Variants in MALRD1 observed in about 807,000 individuals in gnomAD.
The protein encoded by MALRD1 is MAM and LDL receptor class A domain containing 1, also known as MAM and LDL-receptor class A domain-containing protein 1.
Under a neutral mutation model 242.1 loss-of-function variants are expected in MALRD1, and 247 were observed. The ratio of observed to expected loss-of-function variants is 1.02; its 90% CI spans 0.92 to 1.13. The LOEUF (loss-of-function observed/expected upper bound fraction) is 1.13. Among genes scored for constraint, MALRD1 ranks in the 50% most tolerant of loss-of-function variants. The probability of loss-of-function intolerance (pLI) is 0.00; values close to 1 mark genes in which losing one functional copy is unlikely to be tolerated. For synonymous variants in MALRD1, 995 were observed against 866.6 expected (o/e 1.15, Z -2.60); for missense variants, 2,989 against 2,533.1 (o/e 1.18, Z -3.86).
intron 28 of MALRD1, among the ~76,000 whole-genome samples, chr10:19,427,637 A>G (rs1351505728): frequency 2.0e-5 from 3 of 152,176 alleles, no homozygotes; most frequent in Admixed American, 2.0e-4. Flanking sequence ...TCCCCTAAGT[A>G]GTCTGATCCT....
chr10:19,099,892 C>A (rs898405117), intron 4 of MALRD1, among the ~76,000 whole-genome samples: 5 of 151,718 alleles, frequency 3.3e-5, no homozygotes, highest in Non-Finnish European at 7.4e-5. Context: ...CCTCCCGAGG[C>A]TGGGATTACA....
At chr10:19,120,834 C>G (rs1330619392) in intron 5 of MALRD1, among the ~76,000 whole-genome samples, 1 of 152,116 alleles carries the variant, frequency 6.6e-6, no homozygotes, top group African/African-American at 2.4e-5. Context: ...AACCCTGCCT[C>G]CCGGGTTCAA....
rs1394878446 is a variant in MALRD1, at chr10:19,699,789, C to T, written c.6314+7235C>T. Among the ~76,000 whole-genome samples the T allele has an allele frequency of 3.3e-5, 5 of 151,934 alleles. No individual in the cohort carries two copies. In the East Asian group the frequency reaches 5.8e-4, roughly 18 times the overall value. Reference sequence around the variant, plus strand: ...GAGAGAGTAGGGGGGAAGTGCCACACACTTTTAAACGACCAGATCTGGTGA... The same window carrying T: ...GAGAGAGTAGGGGGGAAGTGCCACATACTTTTAAACGACCAGATCTGGTGA... On this transcript the variant is annotated intron_variant, in intron 38 of 39. Transcript: ENST00000454679.
intron 2 of MALRD1, among the ~76,000 whole-genome samples, chr10:19,078,801 T>G (rs1564377023): frequency 6.6e-6 from 1 of 151,834 alleles, no homozygotes; most frequent in Non-Finnish European, 1.5e-5. Context: ...TTTGGTAGTA[T>G]GAAATTATTC....
At chr10:19,301,871 TAAAAG>T (rs754361769) in intron 21 of MALRD1, among the ~76,000 whole-genome samples, 44 of 151,470 alleles carry the variant, frequency 2.9e-4, no homozygotes, top group African/African-American at 1.0e-3. Context: ...AAATAAAACT[TAAAAG>T]GAAAAAAAGA....
At chr10:19,574,725 C>G (rs185795118) in intron 33 of MALRD1, among the ~76,000 whole-genome samples, 8 of 152,244 alleles carry the variant, frequency 5.3e-5, no homozygotes, top group African/African-American at 1.9e-4. Flanking sequence ...TAAATCCCTT[C>G]TAACTCTGCC....
chr10:19,162,055 A>G (rs1305659248), intron 12 of MALRD1, among the ~76,000 whole-genome samples: 1 of 152,012 alleles, frequency 6.6e-6, no homozygotes, highest in Non-Finnish European at 1.5e-5. Flanking sequence ...CAACAACAAC[A>G]ACAACAACAA....
At chr10:19,508,396 G>A (rs567331548) in intron 31 of MALRD1, among the ~76,000 whole-genome samples, 15 of 152,274 alleles carry the variant, frequency 9.9e-5, no homozygotes, top group African/African-American at 3.6e-4. Context: ...ACACTGTGAT[G>A]TAAAACATGA....
At chr10:19,360,825 G>A (rs1348357908) in intron 26 of MALRD1, among the ~76,000 whole-genome samples, 1 of 151,980 alleles carries the variant, frequency 6.6e-6, no homozygotes, top group Non-Finnish European at 1.5e-5. Flanking sequence ...TAGTAATAAT[G>A]TTAAGTTGCA....
chr10:19,429,255 G>T (rs1589059323), intron 28 of MALRD1, among the ~76,000 whole-genome samples: 1 of 152,172 alleles, frequency 6.6e-6, no homozygotes, highest in African/African-American at 2.4e-5. Flanking sequence ...TGTGTAATGT[G>T]TAATGTGACT....
chr10:19,372,234 T>C (rs186076277), intron 26 of MALRD1, among the ~76,000 whole-genome samples: 2 of 152,270 alleles, frequency 1.3e-5, no homozygotes, highest in East Asian at 3.9e-4. Context: ...ACAAAAATTA[T>C]AACAACTCTT....
intron 29 of MALRD1, among the ~76,000 whole-genome samples, chr10:19,481,171 A>C (rs2131177974): frequency 6.6e-6 from 1 of 152,276 alleles, no homozygotes; most frequent in African/African-American, 2.4e-5. Context: ...TCACATTTTA[A>C]AATATTTTTC....
chr10:19,466,075 G>A (rs1268352987), intron 29 of MALRD1, among the ~76,000 whole-genome samples: 1 of 152,114 alleles, frequency 6.6e-6, no homozygotes, highest in East Asian at 1.9e-4. Context: ...TAATGGGGTT[G>A]AATGTTTTTT....
chr10:19,100,117 G>C (rs1836198810), intron 4 of MALRD1, among the ~76,000 whole-genome samples: 3 of 151,810 alleles, frequency 2.0e-5, no homozygotes, highest in African/African-American at 7.3e-5. Context: ...TAATTTTCCA[G>C]ATTGTAACCC....
intron 31 of MALRD1, among the ~76,000 whole-genome samples, chr10:19,530,402 T>G (rs1251187098): frequency 6.1e-5 from 2 of 32,588 alleles, no homozygotes; most frequent in Non-Finnish European, 1.2e-4. Context: ...ATATAAATAT[T>G]ATATATTTAT....
chr10:19,607,792 C>G lies in MALRD1; in HGVS notation c.5960C>G (p.Ser1987Cys). Residue 1987 changes from serine to cysteine, a missense_variant, in exon 35 of 40, where the codon TCT becomes TGT. Coordinates refer to ENST00000454679, the MANE Select transcript of MALRD1 (RefSeq NM_001142308.3). Reference protein sequence around the residue: ...DELICSNKSCSNGALVCASSN... With the variant: ...DELICSNKSCCNGALVCASSN... ...TTTTTTGCAGCCAACAAAAGCTGTT[C>G]TAATGGAGCTCTGGTGTGTGCCTCC... The G allele has an allele frequency of 4.5e-6, 7 of 1,548,974 alleles. No homozygotes were observed. Among genetic ancestry groups the G allele is most frequent in the Non-Finnish European group, 6.1e-6 (7 of 1,146,212 alleles).
chr10:19,086,835 G>A (rs148338812), intron 2 of MALRD1, among the ~76,000 whole-genome samples: 2,988 of 152,160 alleles, frequency 0.02, 40 homozygotes, highest in Middle Eastern at 0.058. Context: ...GCTTATCACA[G>A]GCTCAGAATG....
intron 36 of MALRD1, among the ~76,000 whole-genome samples, chr10:19,646,607 GA>G (rs11356176): frequency 0.18 from 25,070 of 142,444 alleles, 3,862 homozygotes; most frequent in African/African-American, 0.42. Flanking sequence ...TGTGTCTCAA[GA>G]AAAAAAAAAA....
chr10:19,159,572 C>T (rs1366640179), intron 12 of MALRD1, among the ~76,000 whole-genome samples: 2 of 151,410 alleles, frequency 1.3e-5, no homozygotes, highest in Admixed American at 1.3e-4. Flanking sequence ...ACGAAGTCCA[C>T]AGGGAAGTTG....
Sources: allele counts gnomAD v4.1 joint callset (sites outside exome capture counted in the v4.1 genomes callset), GRCh38; gene constraint gnomAD v4.1.1; transcripts MANE v1.5; gene names NCBI Gene and HGNC (gene_info 2026-07-23, HGNC 2026-07-21).